The following NEO1 variants were observed in gnomAD, a reference collection of about 807,000 sequenced individuals.
The protein encoded by NEO1 is neogenin.
A neutral mutation model predicts 159.7 loss-of-function variants in NEO1; 63 were observed. The observed-to-expected ratio is 0.39, with a 90% CI of 0.32 to 0.49. NEO1 has a LOEUF of 0.49. NEO1 is among the 20% of genes least tolerant of loss of function. NEO1 has a pLI of 0.85. For missense variants in NEO1, 1,615 were observed against 1,831.0 expected (o/e 0.88, Z 2.15); for synonymous variants, 633 against 662.0 (o/e 0.96, Z 0.67).
At chr15:73,264,055 T>C (rs2623992) in intron 15 of NEO1, among the ~76,000 whole-genome samples, 134,260 of 152,050 alleles carry the variant, frequency 0.88, 59,801 homozygotes, top group Admixed American at 0.94. Context: ...GGCATGGTGG[T>C]GTGTGCTTCT....
At chr15:73,224,815 C>A (rs957431982) in intron 7 of NEO1, among the ~76,000 whole-genome samples, 6 of 151,900 alleles carry the variant, frequency 3.9e-5, no homozygotes, top group African/African-American at 1.5e-4. Context: ...ATAGGGATTT[C>A]TTCTTGGTTT....
intron 2 of NEO1, among the ~76,000 whole-genome samples, chr15:73,118,418 T>C (rs549714165): frequency 6.6e-6 from 1 of 152,022 alleles, no homozygotes; most frequent in Non-Finnish European, 1.5e-5. Flanking sequence ...TTTCTTAACA[T>C]TTCACCCTGC....
chr15:73,248,019 C>G (rs964114372), intron 9 of NEO1, among the ~76,000 whole-genome samples: 4 of 152,172 alleles, frequency 2.6e-5, no homozygotes, highest in African/African-American at 7.2e-5. Flanking sequence ...CCTGGGTCCA[C>G]CGCTAGCTAA....
chr15:73,273,181 G>C (rs2041253453), intron 19 of NEO1, among the ~76,000 whole-genome samples: 1 of 152,080 alleles, frequency 6.6e-6, no homozygotes, highest in Non-Finnish European at 1.5e-5. Flanking sequence ...TATCAGGGAT[G>C]GAAGCCTGAT....
At chr15:73,236,554 C>A (rs756525224) in intron 8 of NEO1, 48 bp downstream of exon 8, 1 of 1,557,968 alleles carries the variant, frequency 6.4e-7, no homozygotes, top group East Asian at 2.2e-5. Flanking sequence ...TTGGTCACGG[C>A]AGCCTTGTCA....
intron 4 of NEO1, among the ~76,000 whole-genome samples, chr15:73,129,435 C>G (rs1451661974): frequency 6.6e-6 from 1 of 152,064 alleles, no homozygotes; most frequent in Non-Finnish European, 1.5e-5. Context: ...AAACATCCTT[C>G]TTTATTACTC....
At chr15:73,156,981 C>A (rs958970675) in intron 5 of NEO1, among the ~76,000 whole-genome samples, 4 of 152,200 alleles carry the variant, frequency 2.6e-5, no homozygotes, top group African/African-American at 9.7e-5. Flanking sequence ...GCAGTCCCAG[C>A]AGCCACAGAT....
rs896148101 is a variant in NEO1, at chr15:73,135,763, G to A, written c.879-128G>A. 3.7e-6 allele frequency: 3 copies of A among 803,726 alleles called. No homozygotes were observed. The African/African-American group carries it at 5.4e-5, about 15-fold the overall frequency. The allele number at this position is 803,726 out of a possible 1,614,324, so 49.8% of individuals were successfully genotyped here. On this transcript the variant is annotated intron_variant, in intron 4 of 28. Coordinates refer to ENST00000261908, the MANE Select transcript of NEO1 (RefSeq NM_002499.4). ...ATTCTGGTAATTTTATATTAGTCTTGGTTCATCTATAGCTATATAAATAAT... is the reference window on the plus strand; with the variant it reads ...ATTCTGGTAATTTTATATTAGTCTTAGTTCATCTATAGCTATATAAATAAT...
chr15:73,213,029 A>AG (rs778043460), intron 7 of NEO1, among the ~76,000 whole-genome samples: 16 of 39,158 alleles, frequency 4.1e-4, no homozygotes, highest in Non-Finnish European at 1.8e-3. Flanking sequence ...GGAGGTCATC[A>AG]AAAGGGAACC....
intron 7 of NEO1, among the ~76,000 whole-genome samples, chr15:73,191,285 T>C (rs993729448): frequency 6.6e-6 from 1 of 152,114 alleles, no homozygotes; most frequent in African/African-American, 2.4e-5. Flanking sequence ...TGGAATAATA[T>C]ATGTAAAGCA....
At chr15:73,183,158 A>G (rs374368866) in intron 7 of NEO1, among the ~76,000 whole-genome samples, 1 of 152,100 alleles carries the variant, frequency 6.6e-6, no homozygotes, top group Non-Finnish European at 1.5e-5. Context: ...ACAGAAAGCC[A>G]TCTCTGTGGT....
At chr15:73,265,650 GAAGT>G (rs1385348071) in intron 15 of NEO1, among the ~76,000 whole-genome samples, 5 of 152,162 alleles carry the variant, frequency 3.3e-5, no homozygotes, top group Non-Finnish European at 7.3e-5. Context: ...TGCCAGTCAC[GAAGT>G]AAGTCTTACT....
chr15:73,068,227 C>CT (rs2068328686), intron 1 of NEO1, among the ~76,000 whole-genome samples: 3 of 109,694 alleles, frequency 2.7e-5, no homozygotes, highest in South Asian at 7.3e-4. Context: ...CCCCCTACCC[C>CT]CCCCCCTTTT....
intron 5 of NEO1, among the ~76,000 whole-genome samples, chr15:73,160,237 T>C (rs1263270864): frequency 6.6e-6 from 1 of 152,198 alleles, no homozygotes; most frequent in Non-Finnish European, 1.5e-5. Flanking sequence ...TACTTTCTGC[T>C]CAACGCAGAA....
intron 7 of NEO1, among the ~76,000 whole-genome samples, chr15:73,223,394 C>A (rs2038399917): frequency 6.6e-6 from 1 of 152,088 alleles, no homozygotes; most frequent in African/African-American, 2.4e-5. Flanking sequence ...AAGTCCCCCA[C>A]TATTATTTTG....
intron 1 of NEO1, among the ~76,000 whole-genome samples, chr15:73,094,115 A>G (rs943965700): frequency 1.3e-5 from 2 of 152,132 alleles, no homozygotes; most frequent in African/African-American, 2.4e-5. Context: ...CCACCTATTT[A>G]AAATGTGCAA....
intron 7 of NEO1, among the ~76,000 whole-genome samples, chr15:73,224,916 C>T (rs2038491676): frequency 6.6e-6 from 1 of 151,968 alleles, no homozygotes; most frequent in African/African-American, 2.4e-5. Context: ...TTTCTGGTTC[C>T]ATCTCATTTG....
At chr15:73,215,406 G>T (rs1263497653) in intron 7 of NEO1, among the ~76,000 whole-genome samples, 1 of 152,130 alleles carries the variant, frequency 6.6e-6, no homozygotes, top group African/African-American at 2.4e-5. Flanking sequence ...TATTATATTG[G>T]CTGTGGGTTA....
intron 25 of NEO1, among the ~76,000 whole-genome samples, chr15:73,289,945 G>A (rs2042096427): frequency 6.6e-6 from 1 of 151,732 alleles, no homozygotes; most frequent in Non-Finnish European, 1.5e-5. Flanking sequence ...GTGAGACTCT[G>A]TCTCAAAAAA....
Sources: gnomAD v4.1 joint callset for allele counts (sites outside exome capture counted in the v4.1 genomes callset) on GRCh38, gnomAD v4.1.1 for gene constraint, MANE v1.5 for transcripts, NCBI Gene and HGNC (gene_info 2026-07-23, HGNC 2026-07-21) for gene names.